Variants in ANKRD63 observed in about 807,000 individuals in gnomAD.
The protein encoded by ANKRD63 is ankyrin repeat domain 63, also known as ankyrin repeat domain-containing protein 63.
In ANKRD63, 18 loss-of-function variants were observed where a neutral mutation model predicts 21.2. The observed-to-expected ratio is 0.85, with a 90% CI of 0.59 to 1.26. ANKRD63 has a LOEUF of 1.26. Ranked by LOEUF, ANKRD63 falls within the 50% of genes most tolerant of loss-of-function variation. The pLI is 0.00. For missense variants in ANKRD63, 523 were observed against 570.9 expected (o/e 0.92, Z 0.85); for synonymous variants, 322 against 273.3 (o/e 1.18, Z -1.76).
At position 40,282,559 on chromosome 15, in the gene ANKRD63, G is replaced by A; in HGVS notation, c.28C>T (p.Arg10Ter). Residue 10 changes from arginine (R) to a stop codon, truncating the protein, a stop_gained, in exon 1 of 1, where the codon CGA becomes TGA. Coordinates refer to ENST00000434396, the MANE Select transcript of ANKRD63 (RefSeq NM_001190479.3). LOFTEE classifies it high-confidence loss of function. MLKPKDLCP[R>*]AGTRTFLEAM... Reference sequence around the variant, plus strand: ...TCCAGGAAGGTGCGCGTCCCCGCTCGGGGGCACAGGTCCTTGGGTTTGAGC... The same window carrying A: ...TCCAGGAAGGTGCGCGTCCCCGCTCAGGGGCACAGGTCCTTGGGTTTGAGC... 1.4e-6 allele frequency: 2 copies of A among 1,467,200 alleles called. No homozygotes were observed. Among genetic ancestry groups the A allele is most frequent in the Non-Finnish European group, 9.0e-7 (1 of 1,115,310 alleles). The allele number at this position is 1,467,200 out of a possible 1,614,324, so 90.9% of individuals were successfully genotyped here.
chr15:40,281,991 G>T lies in ANKRD63; in HGVS notation c.596C>A (p.Ala199Asp). ...SNSDSPPGRP[A>D]PAASPEHRRP... ...TCGATGCTCGGGGCTGGCCGCGGGGGCCGGGCGGCCAGGGGGACTATCGGA... is the reference window on the plus strand; with the variant it reads ...TCGATGCTCGGGGCTGGCCGCGGGGTCCGGGCGGCCAGGGGGACTATCGGA... Residue 199 changes from alanine to aspartate, a missense_variant, in exon 1 of 1, where the codon GCC becomes GAC. Physicochemically the swap from Ala to Asp is moderately radical, Grantham distance 126. Coordinates refer to ENST00000434396, the MANE Select transcript of ANKRD63 (RefSeq NM_001190479.3). 1 of 1,215,894 alleles carries T rather than the reference G, an allele frequency of 8.2e-7. No homozygotes were observed. Among genetic ancestry groups the T allele is most frequent in the Non-Finnish European group, 1.0e-6 (1 of 979,066 alleles). The allele number at this position is 1,215,894 out of a possible 1,614,324, so 75.3% of individuals were successfully genotyped here.
chr15:40,281,091 T>TG lies in ANKRD63; in HGVS notation c.*352dup, dbSNP rs2039536269. Among the ~76,000 whole-genome samples the TG allele has an allele frequency of 6.6e-6, 1 of 152,156 alleles. No individual in the cohort carries two copies. Among genetic ancestry groups the TG allele is most frequent in the Admixed American group, 6.5e-5 (1 of 15,278 alleles). ...TCTATTTACCTGGCTGCCCAGTTGT[T>TG]GGGAAACCCAGCGAGGGGAGGGGGG... On this transcript the variant is annotated 3_prime_UTR_variant, in exon 1 of 1. Coordinates refer to ENST00000434396, the MANE Select transcript of ANKRD63 (RefSeq NM_001190479.3).
At position 40,282,068 on chromosome 15, in the gene ANKRD63, G is replaced by T. The variant is rs2039551001; in HGVS notation, c.519C>A (p.Leu173=). ...ARGHGTCVQA[L]TGPWGRAAAA... The stretch of plus-strand genomic sequence containing the variant: ...CGGCGGCGCGGCCCCAGGGCCCGGT[G>T]AGGGCCTGCACACAGGTCCCGTGGC... The change falls in exon 1 of 1, where the codon CTC becomes CTA. Residue 173 remains leucine (L), a synonymous_variant. Coordinates refer to ENST00000434396, the MANE Select transcript of ANKRD63 (RefSeq NM_001190479.3). The T allele has an allele frequency of 3.1e-6, 4 of 1,282,012 alleles. No homozygotes were observed. The African/African-American group carries it at 4.7e-5, about 15-fold the overall frequency. 79.4% of individuals were successfully genotyped at this position (1,282,012 alleles called of 1,614,324 possible). A position where few individuals can be genotyped will look rare whatever the true frequency, so the allele number is the denominator to read the frequency against.
rs2039513510 is a variant in ANKRD63, at chr15:40,279,020, G to A, written c.*2424C>T. Among the ~76,000 whole-genome samples, 1 of 152,258 alleles carries A rather than the reference G, an allele frequency of 6.6e-6. No homozygotes were observed. Among genetic ancestry groups the A allele is most frequent in the Non-Finnish European group, 1.5e-5 (1 of 68,042 alleles). On this transcript the variant is annotated 3_prime_UTR_variant, in exon 1 of 1. Transcript: ENST00000434396. Reference sequence around the variant, plus strand: ...CATTAAAATTCAACACAGTTGAAAAGGGAGTACATAAGCAAGCAAGGGTCA... The same window carrying A: ...CATTAAAATTCAACACAGTTGAAAAAGGAGTACATAAGCAAGCAAGGGTCA...
chr15:40,282,266 G>T lies in ANKRD63; in HGVS notation c.321C>A (p.Ser107Arg). 6.6e-7 allele frequency: 1 copy of T among 1,521,458 alleles called. No individual in the cohort carries two copies. The highest frequency in any genetic ancestry group is 8.8e-7 in the Non-Finnish European group (1 of 1,141,882). 94.2% of individuals were successfully genotyped at this position (1,521,458 alleles called of 1,614,324 possible). Residue 107 changes from serine to arginine, a missense_variant, in exon 1 of 1, where the codon AGC (serine) becomes AGA (arginine). By Grantham distance (110) the Ser-to-Arg change is moderately radical. Transcript: ENST00000434396. ...LDAVQLLVQF[S>R]GDPEAADSAG... Reference sequence around the variant, plus strand: ...CAGAGTCGGCCGCCTCGGGGTCACCGCTGAACTGCACCAGCAGCTGCACGG... The same window carrying T: ...CAGAGTCGGCCGCCTCGGGGTCACCTCTGAACTGCACCAGCAGCTGCACGG...
At position 40,279,942 on chromosome 15, in the gene ANKRD63, C is replaced by G. The variant is rs1266055774; in HGVS notation, c.*1502G>C. Among the ~76,000 whole-genome samples the G allele has an allele frequency of 6.6e-6, 1 of 152,246 alleles. No individual in the cohort carries two copies. The highest frequency in any genetic ancestry group is 1.5e-5 in the Non-Finnish European group (1 of 68,044). ...CGCTTCCGCAAGGTCCTAGCGCACC[C>G]GTCCCGCCGGACCCCCGCCCCCAAC... On this transcript the variant is annotated 3_prime_UTR_variant, in exon 1 of 1. Transcript: ENST00000434396.
Position 40,279,465 on chromosome 15 carries a change from CG to C in ANKRD63, c.*1978del, listed in dbSNP as rs1362450436. On this transcript the variant is annotated 3_prime_UTR_variant, in exon 1 of 1. Transcript: ENST00000434396. ...ATTCTACAAGAGGAAGAGGATTCCA[CG>C]ATAAATGCACATGGATGAAGAAGTA... Among the ~76,000 whole-genome samples the C allele has an allele frequency of 6.6e-6, 1 of 152,186 alleles. No homozygotes were observed. Among genetic ancestry groups the C allele is most frequent in the Non-Finnish European group, 1.5e-5 (1 of 68,036 alleles).
chr15:40,278,842 T>G lies in ANKRD63; in HGVS notation c.*2602A>C, dbSNP rs28458248. ...CTCCACAGAGAAGAGCCCTCATGGT[T>G]GTTTATCCAGTCAAGAGGGCCCAGG... On this transcript the variant is annotated 3_prime_UTR_variant, in exon 1 of 1. Coordinates refer to ENST00000434396, the MANE Select transcript of ANKRD63 (RefSeq NM_001190479.3). Among the ~76,000 whole-genome samples the G allele has an allele frequency of 0.023, 3,480 of 152,116 alleles. 117 individuals are homozygous for G. Among genetic ancestry groups the G allele is most frequent in the African/African-American group, 0.078 (3,245 of 41,470 alleles).
Position 40,278,594 on chromosome 15 carries a change from T to C in ANKRD63, c.*2850A>G, listed in dbSNP as rs1200984000. 1.3e-5 allele frequency among the ~76,000 whole-genome samples: 2 copies of C among 151,978 alleles called. No individual in the cohort carries two copies. On this transcript the variant is annotated 3_prime_UTR_variant, in exon 1 of 1. Transcript: ENST00000434396. ...TATTTAGAAAAGTCTCTTCTGAAGG[T>C]AGAGATTGCTAGAGAGGACCCAGCC...
At position 40,282,686 on chromosome 15, in the gene ANKRD63, C is replaced by T. The variant is rs1004789089; in HGVS notation, c.-100G>A. 1.5e-5 allele frequency: 14 copies of T among 925,464 alleles called. No homozygotes were observed. In the East Asian group the frequency reaches 3.0e-4, roughly 20 times the overall value. 57.3% of individuals were successfully genotyped at this position (925,464 alleles called of 1,614,324 possible). A position where few individuals can be genotyped will look rare whatever the true frequency, so the allele number is the denominator to read the frequency against. The stretch of plus-strand genomic sequence containing the variant: ...CCGGCCTCCGCCCGCGCTCTGATAC[C>T]TCTCCCTCCGCGCGTGGGCGGCTGC... On this transcript the variant is annotated 5_prime_UTR_variant, in exon 1 of 1. Transcript: ENST00000434396.
Sources: gnomAD v4.1 joint callset for allele counts (sites outside exome capture counted in the v4.1 genomes callset) on GRCh38, gnomAD v4.1.1 for gene constraint, MANE v1.5 for transcripts, NCBI Gene and HGNC (gene_info 2026-07-23, HGNC 2026-07-21) for gene names.